The following ADGRL2 variants were observed in gnomAD, a reference collection of about 807,000 sequenced individuals.
The protein encoded by ADGRL2 is adhesion G protein-coupled receptor L2.
In ADGRL2, 44 loss-of-function variants were observed where a neutral mutation model predicts 157.4. The observed-to-expected ratio is 0.28, with a 90% CI of 0.22 to 0.36. The LOEUF (loss-of-function observed/expected upper bound fraction) is 0.36. Among genes scored for constraint, ADGRL2 ranks in the 10% least tolerant of loss-of-function variants. The probability of loss-of-function intolerance (pLI) is 1.00; values close to 1 mark genes in which losing one functional copy is unlikely to be tolerated. For synonymous variants in ADGRL2, 585 were observed against 624.7 expected (o/e 0.94, Z 0.95); for missense variants, 1,510 against 1,768.9 (o/e 0.85, Z 2.63).
At chr1:81,911,011 C>T (rs1273391186) in intron 3 of ADGRL2, among the ~76,000 whole-genome samples, 2 of 151,658 alleles carry the variant, frequency 1.3e-5, no homozygotes, top group Admixed American at 6.6e-5. Flanking sequence ...TTTTGCTCCT[C>T]TTGTGTTTTT....
intron 1 of ADGRL2, among the ~76,000 whole-genome samples, chr1:81,702,460 G>A (rs867452778): frequency 6.6e-6 from 1 of 152,162 alleles, no homozygotes; most frequent in African/African-American, 2.4e-5. Flanking sequence ...TCACAAGTAT[G>A]CAAGAAGGAA....
chr1:81,990,392 A>G lies in ADGRL2; in HGVS notation c.3657A>G (p.Arg1219=), dbSNP rs1664360531. 6.2e-7 allele frequency: 1 copy of G among 1,611,624 alleles called. No homozygotes were observed. Among genetic ancestry groups the G allele is most frequent in the South Asian group, 1.1e-5 (1 of 90,986 alleles). ...ATAACTCCCCCTCTTCTGTTTCAGG[A>G]CATTCACTGAACAATGCCAGGGATA... ...FNSPATYRET[R]HSLNNARDTS... is the part of the protein sequence containing the mutation. Residue 1219 remains arginine, a splice_region_variant and synonymous_variant, in exon 24 of 24, where the codon AGA becomes AGG. Coordinates refer to ENST00000686636, the MANE Select transcript of ADGRL2 (RefSeq NM_001366006.2).
intron 2 of ADGRL2, among the ~76,000 whole-genome samples, chr1:81,840,667 C>T (rs1431827989): frequency 6.6e-6 from 1 of 151,968 alleles, no homozygotes; most frequent in Non-Finnish European, 1.5e-5. Context: ...AAGTCTTACC[C>T]ATTAAAGTTT....
intron 1 of ADGRL2, among the ~76,000 whole-genome samples, chr1:81,818,023 TAAA>T: frequency 6.6e-6 from 1 of 151,706 alleles, no homozygotes; most frequent in African/African-American, 2.4e-5. Context: ...AATAAATAAA[TAAA>T]TAGCCAGCGG....
intron 14 of ADGRL2, 66 bp downstream of exon 14, chr1:81,968,265 T>C: frequency 7.3e-7 from 1 of 1,361,988 alleles, no homozygotes; most frequent in Non-Finnish European, 1.0e-6. Flanking sequence ...GCTTGTATAA[T>C]AGTCCCATTC....
intron 1 of ADGRL2, chr1:81,699,926 A>G (rs1485197980): frequency 1.3e-5 from 2 of 152,224 alleles, no homozygotes; most frequent in African/African-American, 4.8e-5. Flanking sequence ...AGTGTATTTC[A>G]GGATCTTGAA....
At chr1:81,953,642 G>A (rs533821293) in intron 10 of ADGRL2, among the ~76,000 whole-genome samples, 8 of 152,166 alleles carry the variant, frequency 5.3e-5, no homozygotes, top group African/African-American at 1.9e-4. Context: ...CACTCCAGCC[G>A]GGTTTTCTCC....
At position 81,644,489 on chromosome 1, in the gene ADGRL2, C is replaced by T. The variant is rs191479621; in HGVS notation, c.-143+63509C>T. On this transcript the variant is annotated intron_variant, in intron 3 of 24. Transcript: ENST00000370721. Reference sequence around the variant, plus strand: ...AGATGTATCAGATAAAGAACTGTTACCTAAAATATACAAAGAACTCCTAAA... The same window carrying T: ...AGATGTATCAGATAAAGAACTGTTATCTAAAATATACAAAGAACTCCTAAA... Among the ~76,000 whole-genome samples, 5 of 152,140 alleles carry T rather than the reference C, an allele frequency of 3.3e-5. No homozygotes were observed. In the East Asian group the frequency reaches 9.7e-4, roughly 29 times the overall value.
chr1:81,980,338 C>T (rs1312473089), intron 18 of ADGRL2, among the ~76,000 whole-genome samples: 1 of 151,656 alleles, frequency 6.6e-6, no homozygotes, highest in African/African-American at 2.4e-5. Flanking sequence ...CACTCCTAAT[C>T]CTGTTTTCCT....
intron 1 of ADGRL2, among the ~76,000 whole-genome samples, chr1:81,335,005 C>A (rs1374728598): frequency 6.6e-6 from 1 of 152,106 alleles, no homozygotes; most frequent in South Asian, 2.1e-4. Flanking sequence ...TTTTCTATTA[C>A]CAAAAATGAG....
intron 1 of ADGRL2, among the ~76,000 whole-genome samples, chr1:81,388,127 A>G (rs1048460958): frequency 6.6e-6 from 1 of 152,118 alleles, no homozygotes; most frequent in Non-Finnish European, 1.5e-5. Context: ...TAATTCTTTA[A>G]TTATAGCAAT....
Position 81,655,662 on chromosome 1 carries a change from T to G in ADGRL2, c.-143+74682T>G, listed in dbSNP as rs143572352. Among the ~76,000 whole-genome samples, 9 of 152,294 alleles carry G rather than the reference T, an allele frequency of 5.9e-5. No individual in the cohort carries two copies. In the East Asian group the frequency reaches 1.7e-3, roughly 29 times the overall value. ...ACATGCATTTCATTTCTCTCTTTCCTCCTCAGTGGTGATCTCAGCCTCTTG... is the reference window on the plus strand; with the variant it reads ...ACATGCATTTCATTTCTCTCTTTCCGCCTCAGTGGTGATCTCAGCCTCTTG... On this transcript the variant is annotated intron_variant, in intron 3 of 24. Transcript: ENST00000370721.
chr1:81,570,259 A>G (rs2080656896), intron 2 of ADGRL2, among the ~76,000 whole-genome samples: 1 of 152,166 alleles, frequency 6.6e-6, no homozygotes, highest in South Asian at 2.1e-4. Flanking sequence ...ATTATTAGAA[A>G]AGTTAGACAG....
At chr1:81,915,199 C>T (rs531957673) in intron 3 of ADGRL2, among the ~76,000 whole-genome samples, 11 of 152,148 alleles carry the variant, frequency 7.2e-5, no homozygotes, top group African/African-American at 2.4e-4. Context: ...CCTCAGTCTC[C>T]CGAGTAGCTG....
At chr1:81,372,249 C>A (rs931734807) in intron 1 of ADGRL2, among the ~76,000 whole-genome samples, 1 of 152,054 alleles carries the variant, frequency 6.6e-6, no homozygotes, top group Non-Finnish European at 1.5e-5. Context: ...TAAAGTCAAA[C>A]CTTGCTGAGA....
In ADGRL2 at chr1:81,905,258, C is replaced by T. The variant is rs569888358; in HGVS notation, c.74-1759C>T. ...GATTACAGGCATGCGCCACCACACC[C>T]GGCTAGTTTTGTATTTTTAGTAGAG... On this transcript the variant is annotated intron_variant, in intron 2 of 23. Coordinates refer to ENST00000686636, the MANE Select transcript of ADGRL2 (RefSeq NM_001366006.2). 3.9e-5 allele frequency among the ~76,000 whole-genome samples: 6 copies of T among 152,084 alleles called. No individual in the cohort carries two copies. In the East Asian group the frequency reaches 7.8e-4, roughly 20 times the overall value.
intron 1 of ADGRL2, among the ~76,000 whole-genome samples, chr1:81,375,034 T>C: frequency 6.6e-6 from 1 of 152,158 alleles, no homozygotes; most frequent in East Asian, 1.9e-4. Context: ...AGGGCTTCCA[T>C]GAGAGGCAGT....
chr1:81,726,379 G>A (rs1285455988), intron 1 of ADGRL2, among the ~76,000 whole-genome samples: 5 of 152,146 alleles, frequency 3.3e-5, no homozygotes, highest in African/African-American at 4.8e-5. Flanking sequence ...TGATGGAAAC[G>A]TTCTATAATC....
chr1:81,434,365 G>C (rs930640270), intron 1 of ADGRL2, among the ~76,000 whole-genome samples: 9 of 151,846 alleles, frequency 5.9e-5, no homozygotes, highest in African/African-American at 1.9e-4. Flanking sequence ...TTTCTTCACT[G>C]CATTTATCAC....
Sources: allele counts gnomAD v4.1 joint callset (sites outside exome capture counted in the v4.1 genomes callset), GRCh38; gene constraint gnomAD v4.1.1; transcripts MANE v1.5; gene names NCBI Gene and HGNC (gene_info 2026-07-23, HGNC 2026-07-21).